The following SUMF1 variants were observed in gnomAD, a reference collection of about 807,000 sequenced individuals.
The protein encoded by SUMF1 is sulfatase modifying factor 1.
Under a neutral mutation model 47.6 loss-of-function variants are expected in SUMF1, and 48 were observed. The ratio of observed to expected loss-of-function variants is 1.01; its 90% CI spans 0.80 to 1.28. SUMF1 has a LOEUF of 1.28. Among genes scored for constraint, SUMF1 ranks in the 50% most tolerant of loss-of-function variants. The pLI is 0.00. For synonymous variants in SUMF1, 230 were observed against 192.1 expected, an observed-to-expected ratio of 1.20 and a Z score of -1.63; for missense variants, 571 against 485.4, an observed-to-expected ratio of 1.18 and a Z score of -1.66.
chr3:4,238,287 T>C (rs1046657014), intron 8 of SUMF1, among the ~76,000 whole-genome samples: 1 of 152,178 alleles, frequency 6.6e-6, no homozygotes, highest in African/African-American at 2.4e-5. Flanking sequence ...TTTGGGTATA[T>C]ACCCAGTAAC....
intron 8 of SUMF1, among the ~76,000 whole-genome samples, chr3:4,114,502 TAA>T (rs1411049110): frequency 1.3e-5 from 2 of 152,156 alleles, no homozygotes; most frequent in Admixed American, 6.5e-5. Flanking sequence ...CCTTATTGAC[TAA>T]GTTACTATCA....
At chr3:4,268,138 A>G (rs1697233582) in intron 8 of SUMF1, among the ~76,000 whole-genome samples, 1 of 152,194 alleles carries the variant, frequency 6.6e-6, no homozygotes, top group South Asian at 2.1e-4. Context: ...TGTCAAGAAC[A>G]AAAAACCAAA....
At chr3:4,303,713 C>A in intron 8 of SUMF1, 1 of 1,505,812 alleles carries the variant, frequency 6.6e-7, no homozygotes, top group Non-Finnish European at 8.9e-7. Context: ...CACGGCATCA[C>A]CTTAGCAAGG....
At chr3:4,460,862 C>A (rs2079797550) in intron 1 of SUMF1, among the ~76,000 whole-genome samples, 1 of 151,698 alleles carries the variant, frequency 6.6e-6, no homozygotes, top group African/African-American at 2.4e-5. Context: ...GTTATGTTGC[C>A]CAGGCTAGTC....
At chr3:4,111,790 G>T (rs1693313666) in intron 8 of SUMF1, among the ~76,000 whole-genome samples, 1 of 152,102 alleles carries the variant, frequency 6.6e-6, no homozygotes, top group Non-Finnish European at 1.5e-5. Context: ...GTGTTTACGT[G>T]TATGTATACC....
chr3:4,271,135 T>C (rs530873776), intron 8 of SUMF1, among the ~76,000 whole-genome samples: 185 of 152,298 alleles, frequency 1.2e-3, no homozygotes, highest in African/African-American at 4.3e-3. Flanking sequence ...ATTGTGCTAA[T>C]ACCCACCACC....
intron 8 of SUMF1, among the ~76,000 whole-genome samples, chr3:4,367,010 C>T (rs9834326): frequency 0.61 from 93,350 of 152,038 alleles, 29,179 homozygotes; most frequent in East Asian, 0.76. Context: ...TGGGTGTCAG[C>T]GGCGGTGGCT....
chr3:4,418,116 G>T lies in SUMF1; in HGVS notation c.619C>A (p.Leu207Ile), dbSNP rs1233292185. 4 of 1,613,990 alleles carry T rather than the reference G, an allele frequency of 2.5e-6. No individual in the cohort carries two copies. Among genetic ancestry groups the T allele is most frequent in the Admixed American group, 1.7e-5 (1 of 60,030 alleles). Reference sequence around the variant, plus strand: ...ACCGCATCATTCCAGGACACATGGAGAACTGGATGATCCGGCCTGGGGAAG... The same window carrying T: ...ACCGCATCATTCCAGGACACATGGATAACTGGATGATCCGGCCTGGGGAAG... ...TILHRPDHPV[L>I]HVSWNDAVAY... Residue 207 changes from leucine to isoleucine, a missense_variant, in exon 5 of 9, where the codon CTC becomes ATC. Coordinates refer to ENST00000272902, the MANE Select transcript of SUMF1 (RefSeq NM_182760.4).
chr3:4,437,448 G>A (rs1313864865), intron 3 of SUMF1, among the ~76,000 whole-genome samples: 1 of 152,000 alleles, frequency 6.6e-6, no homozygotes, highest in Non-Finnish European at 1.5e-5. Context: ...GCCAGAAATT[G>A]AGGAAAAAGA....
chr3:4,059,908 G>A (rs1285769156), intron 9 of SUMF1, among the ~76,000 whole-genome samples: 1 of 152,142 alleles, frequency 6.6e-6, no homozygotes, highest in Non-Finnish European at 1.5e-5. Flanking sequence ...CCTGGAACAG[G>A]GGACTGTATA....
At chr3:4,313,931 A>G in intron 8 of SUMF1, 3 of 1,195,564 alleles carry the variant, frequency 2.5e-6, no homozygotes, top group Non-Finnish European at 2.3e-6. Flanking sequence ...CCATTTAACA[A>G]AAGTACATGA....
intron 9 of SUMF1, among the ~76,000 whole-genome samples, chr3:4,062,066 G>GC (rs969434468): frequency 2.0e-5 from 3 of 151,844 alleles, no homozygotes; most frequent in African/African-American, 7.3e-5. Flanking sequence ...AGCCTGAACA[G>GC]CACCCCCTTC....
chr3:4,216,591 A>G (rs1695929929), intron 8 of SUMF1, among the ~76,000 whole-genome samples: 1 of 152,186 alleles, frequency 6.6e-6, no homozygotes, highest in Non-Finnish European at 1.5e-5. Flanking sequence ...AACTATCATC[A>G]GAGTAAACAG....
At chr3:4,222,083 A>C in intron 8 of SUMF1, among the ~76,000 whole-genome samples, 1 of 152,124 alleles carries the variant, frequency 6.6e-6, no homozygotes, top group East Asian at 1.9e-4. Context: ...ACAAATATAT[A>C]ATAAGATTTC....
At chr3:4,235,104 G>A (rs138146312) in intron 8 of SUMF1, among the ~76,000 whole-genome samples, 61 of 152,264 alleles carry the variant, frequency 4.0e-4, no homozygotes, top group Admixed American at 6.5e-4. Flanking sequence ...TAACCTAGCT[G>A]AGAAACAACA....
At chr3:4,384,304 A>T (rs1700600631) in intron 7 of SUMF1, among the ~76,000 whole-genome samples, 1 of 152,208 alleles carries the variant, frequency 6.6e-6, no homozygotes, top group Non-Finnish European at 1.5e-5. Context: ...AAGCTGTAAA[A>T]GGTAACAGAG....
At chr3:4,238,862 T>G (rs148791649) in intron 8 of SUMF1, among the ~76,000 whole-genome samples, 1 of 152,316 alleles carries the variant, frequency 6.6e-6, no homozygotes, top group Admixed American at 6.5e-5. Context: ...GCCTATGTCC[T>G]GAATGGTATT....
chr3:4,104,590 C>A (rs1037365315), intron 8 of SUMF1, among the ~76,000 whole-genome samples: 1 of 151,812 alleles, frequency 6.6e-6, no homozygotes, highest in Non-Finnish European at 1.5e-5. Flanking sequence ...CTCCGGATAC[C>A]CACCCTGCTG....
chr3:4,444,839 AG>A (rs1221145979), intron 3 of SUMF1, among the ~76,000 whole-genome samples: 1 of 152,252 alleles, frequency 6.6e-6, no homozygotes, highest in Non-Finnish European at 1.5e-5. Context: ...GGGCCTAGAC[AG>A]GGTCCTCGAA....
Sources: allele counts gnomAD v4.1 joint callset (sites outside exome capture counted in the v4.1 genomes callset), GRCh38; gene constraint gnomAD v4.1.1; transcripts MANE v1.5; gene names NCBI Gene and HGNC (gene_info 2026-07-23, HGNC 2026-07-21).